RERE: variants seen among roughly 807,000 people sequenced by gnomAD.
RERE encodes the protein arginine-glutamic acid dipeptide repeats protein.
A neutral mutation model predicts 146.1 loss-of-function variants in RERE; 40 were observed. The observed-to-expected ratio is 0.27, with a 90% CI of 0.21 to 0.36. The LOEUF (loss-of-function observed/expected upper bound fraction) is 0.36. Ranked by LOEUF, RERE falls within the 10% of genes least tolerant of loss-of-function variation. RERE has a pLI of 1.00. For synonymous variants in RERE, 1,003 were observed against 866.0 expected, an observed-to-expected ratio of 1.16 and a Z score of -2.78; for missense variants, 1,933 against 2,138.7, an observed-to-expected ratio of 0.90 and a Z score of 1.90.
intron 6 of RERE, among the ~76,000 whole-genome samples, chr1:8,544,953 C>T (rs1310826733): frequency 1.3e-5 from 2 of 152,110 alleles, no homozygotes; most frequent in Non-Finnish European, 2.9e-5. Context: ...CAAATCAACT[C>T]GTGATGAACA....
intron 11 of RERE, among the ~76,000 whole-genome samples, chr1:8,443,461 A>G (rs1468875108): frequency 1.2e-5 from 1 of 85,482 alleles, no homozygotes; most frequent in African/African-American, 5.1e-5. Context: ...CAAAAAAAGA[A>G]AAAAAAAAAA....
chr1:8,588,569 A>G (rs1646455285), intron 4 of RERE, among the ~76,000 whole-genome samples: 1 of 152,206 alleles, frequency 6.6e-6, no homozygotes, highest in African/African-American at 2.4e-5. Context: ...AAAAACACAT[A>G]CATTACAGGA....
At chr1:8,754,868 C>G (rs1412157337) in intron 1 of RERE, among the ~76,000 whole-genome samples, 1 of 152,206 alleles carries the variant, frequency 6.6e-6, no homozygotes, top group Non-Finnish European at 1.5e-5. Flanking sequence ...AGATCTTCTT[C>G]AGATTGGTAC....
At chr1:8,587,993 C>T (rs1319826060) in intron 4 of RERE, among the ~76,000 whole-genome samples, 1 of 152,044 alleles carries the variant, frequency 6.6e-6, no homozygotes, top group African/African-American at 2.4e-5. Flanking sequence ...GTGCAGATGC[C>T]GTATCTTACT....
chr1:8,698,515 C>A (rs1257073771), intron 1 of RERE, among the ~76,000 whole-genome samples: 1 of 152,158 alleles, frequency 6.6e-6, no homozygotes, highest in East Asian at 1.9e-4. Context: ...TCCTTTGAAG[C>A]CCACCAGTCA....
chr1:8,682,194 T>C (rs1436879725), intron 1 of RERE, among the ~76,000 whole-genome samples: 2 of 152,212 alleles, frequency 1.3e-5, no homozygotes, highest in African/African-American at 2.4e-5. Flanking sequence ...ATAGGTGAAA[T>C]GGGACTTGTT....
intron 7 of RERE, among the ~76,000 whole-genome samples, chr1:8,510,060 G>C (rs950884264): frequency 6.6e-6 from 1 of 152,114 alleles, no homozygotes; most frequent in African/African-American, 2.4e-5. Context: ...AGGAAGAAGG[G>C]GAGAAAGGGA....
At chr1:8,518,749 T>C (rs981344097) in intron 7 of RERE, among the ~76,000 whole-genome samples, 24 of 152,224 alleles carry the variant, frequency 1.6e-4, no homozygotes, top group South Asian at 2.1e-4. Context: ...AAGTCTGAAA[T>C]TTCTTTTTAA....
intron 7 of RERE, among the ~76,000 whole-genome samples, chr1:8,520,754 T>TAAAAAAAAAA (rs145670197): frequency 1.1e-5 from 1 of 92,992 alleles, no homozygotes; most frequent in Admixed American, 1.6e-4. Context: ...AAAAACTTTT[T>TAAAAAAAAAA]AAAAAAAAAA....
intron 7 of RERE, chr1:8,525,910 T>C: frequency 7.1e-7 from 1 of 1,402,858 alleles, no homozygotes; most frequent in Non-Finnish European, 9.3e-7. Flanking sequence ...CTCATAGAGC[T>C]TTCACTGAGC....
intron 10 of RERE, among the ~76,000 whole-genome samples, chr1:8,481,843 G>A (rs1315157016): frequency 6.6e-6 from 1 of 152,174 alleles, no homozygotes; most frequent in Non-Finnish European, 1.5e-5. Context: ...AATGTGATGA[G>A]CAGACATTCT....
In RERE at chr1:8,360,316, G is replaced by A. The variant is rs377064720; in HGVS notation, c.3191C>T (p.Thr1064Ile). 6 of 1,536,386 alleles carry A rather than the reference G, an allele frequency of 3.9e-6. No homozygotes were observed. Among genetic ancestry groups the A allele is most frequent in the East Asian group, 2.4e-5 (1 of 41,314 alleles). The change falls in exon 18 of 23, where the codon ACC becomes ATC. Residue 1064 changes from threonine (T) to isoleucine (I), a missense_variant. By Grantham distance (89) the Thr-to-Ile change is moderately conservative. This residue lies in a region of RERE where 1,255 missense variants were observed against 1,153.8 expected (regional missense o/e 1.09). Transcript: ENST00000400908. ...ACCAGAGCAGGGTGGCTGGGCCGAG[G>A]TGCCAGGTCCCGCCGGTGGGGTAGA... ...STSTPPAGPG[T>I]SAQPPCSGAA...
chr1:8,799,050 A>G (rs1294390180), intron 1 of RERE, among the ~76,000 whole-genome samples: 2 of 142,366 alleles, frequency 1.4e-5, no homozygotes, highest in Non-Finnish European at 3.0e-5. Flanking sequence ...GCTGGAGTCC[A>G]ATGGCAGACC....
intron 12 of RERE, 115 bp from the exon 13 acceptor site, chr1:8,366,089 T>G: frequency 9.2e-7 from 1 of 1,081,098 alleles, no homozygotes; most frequent in African/African-American, 1.6e-5. Context: ...GAGATGAGAA[T>G]AAAGACCAGT....
At chr1:8,374,886 T>TC (rs1298730896) in intron 12 of RERE, among the ~76,000 whole-genome samples, 3 of 151,972 alleles carry the variant, frequency 2.0e-5, no homozygotes, top group African/African-American at 7.3e-5. Context: ...CCCCACCTCC[T>TC]CCTCTGTCCA....
chr1:8,631,114 A>C (rs905153820), intron 2 of RERE, among the ~76,000 whole-genome samples: 5 of 152,238 alleles, frequency 3.3e-5, no homozygotes, highest in African/African-American at 9.6e-5. Flanking sequence ...GGAACAGGTC[A>C]TAATAAACTA....
intron 4 of RERE, among the ~76,000 whole-genome samples, chr1:8,583,537 C>A (rs141229450): frequency 6.6e-6 from 1 of 152,276 alleles, no homozygotes; most frequent in Non-Finnish European, 1.5e-5. Flanking sequence ...CCCCCAGAGA[C>A]CTTGCAGGGC....
intron 2 of RERE, among the ~76,000 whole-genome samples, chr1:8,632,612 AAATT>A (rs1647048179): frequency 6.6e-6 from 1 of 152,234 alleles, no homozygotes; most frequent in African/African-American, 2.4e-5. Context: ...CTATTCAAAG[AAATT>A]AATGACAGTT....
At chr1:8,721,823 A>C (rs541064872) in intron 1 of RERE, among the ~76,000 whole-genome samples, 2 of 152,172 alleles carry the variant, frequency 1.3e-5, no homozygotes, top group East Asian at 3.9e-4. Context: ...TAACCTCAAA[A>C]CTCAAAACTA....
Sources: gnomAD v4.1 joint callset for allele counts (sites outside exome capture counted in the v4.1 genomes callset) on GRCh38, gnomAD v4.1.1 for gene constraint, gnomAD v4.1.1 regional missense constraint, MANE v1.5 for transcripts, NCBI Gene and HGNC (gene_info 2026-07-23, HGNC 2026-07-21) for gene names.